The following DNM3 variants were observed in gnomAD, a reference collection of about 807,000 sequenced individuals.
DNM3 encodes dynamin-3.
A neutral mutation model predicts 101.6 loss-of-function variants in DNM3; 47 were observed. That is an observed-to-expected ratio of 0.46 (90% confidence interval 0.37 to 0.59). DNM3 has a LOEUF of 0.59. DNM3 is among the 20% of genes least tolerant of loss of function. The pLI is 0.00. For synonymous variants in DNM3, 385 were observed against 387.9 expected, an observed-to-expected ratio of 0.99 and a Z score of 0.09; for missense variants, 849 against 1,085.7, an observed-to-expected ratio of 0.78 and a Z score of 3.06.
intron 14 of DNM3, among the ~76,000 whole-genome samples, chr1:172,193,814 C>T (rs1390202911): frequency 2.6e-5 from 4 of 152,100 alleles, no homozygotes; most frequent in Non-Finnish European, 5.9e-5. Context: ...AAAACCAGCT[C>T]CTGGATTCAT....
Position 172,388,725 on chromosome 1 carries a change from C to T in DNM3, c.2438C>T (p.Pro813Leu), listed in dbSNP as rs1254752214. The change falls in exon 20 of 21, where the codon CCT becomes CTT. Residue 813 changes from proline (P) to leucine (L), a missense_variant. By Grantham distance (98) the Pro-to-Leu change is moderately conservative. Around this residue, in one of 5 missense-constraint regions of DNM3, gnomAD observed 256 missense variants for 311.7 expected, o/e 0.82. Coordinates refer to ENST00000627582, the MANE Select transcript of DNM3 (RefSeq NM_015569.5). Reference protein sequence around the residue: ...PPVPFRPGPLPPFPSSSDSFG... With the variant: ...PPVPFRPGPLLPFPSSSDSFG... ...GTCCCATTCCGTCCAGGCCCATTAC[C>T]TCCTTTCCCCAGCAGCAGTGACTCC... is the stretch of plus-strand genomic sequence containing the variant. 3 of 1,613,498 alleles carry T rather than the reference C, an allele frequency of 1.9e-6. No homozygotes were observed. Among genetic ancestry groups the T allele is most frequent in the Non-Finnish European group, 2.5e-6 (3 of 1,179,688 alleles).
At chr1:172,067,995 G>C (rs2051832673) in intron 10 of DNM3, among the ~76,000 whole-genome samples, 1 of 152,200 alleles carries the variant, frequency 6.6e-6, no homozygotes, top group South Asian at 2.1e-4. Flanking sequence ...TCATGGGCAT[G>C]AGTTACTTAA....
intron 1 of DNM3, among the ~76,000 whole-genome samples, chr1:171,860,415 A>G (rs2034055338): frequency 6.6e-6 from 1 of 152,178 alleles, no homozygotes; most frequent in Admixed American, 6.6e-5. Context: ...ATGGAAAAGA[A>G]TACAAACTGC....
chr1:172,377,553 C>CATATATATATTTATATAT (rs2068667826), intron 17 of DNM3, among the ~76,000 whole-genome samples: 1 of 123,436 alleles, frequency 8.1e-6, no homozygotes, highest in Admixed American at 8.0e-5. Flanking sequence ...TGATATATAT[C>CATATATATATTTATATAT]ATATATATAT....
chr1:172,235,001 G>A (rs1335557107), intron 14 of DNM3, among the ~76,000 whole-genome samples: 1 of 148,610 alleles, frequency 6.7e-6, no homozygotes. Context: ...CTGACAAATG[G>A]GATCTAATTA....
chr1:171,958,954 A>G (rs1367302409), intron 2 of DNM3, among the ~76,000 whole-genome samples: 1 of 152,216 alleles, frequency 6.6e-6, no homozygotes, highest in Non-Finnish European at 1.5e-5. Flanking sequence ...AGCCATGTGC[A>G]TCAACAGTAA....
chr1:171,955,073 A>G (rs1408637068), intron 2 of DNM3, among the ~76,000 whole-genome samples: 1 of 152,196 alleles, frequency 6.6e-6, no homozygotes. Flanking sequence ...CAGTACTGCT[A>G]AGTGATAGCA....
chr1:172,234,334 T>C (rs1172635017), intron 14 of DNM3, among the ~76,000 whole-genome samples: 2 of 152,080 alleles, frequency 1.3e-5, no homozygotes, highest in Middle Eastern at 3.2e-3. Flanking sequence ...TTACAAAAGA[T>C]GTGAAGGACG....
At chr1:172,326,253 C>T (rs1328173657) in intron 17 of DNM3, among the ~76,000 whole-genome samples, 1 of 152,004 alleles carries the variant, frequency 6.6e-6, no homozygotes, top group Non-Finnish European at 1.5e-5. Context: ...GAAAAATTTT[C>T]CTTCCAGGCC....
intron 13 of DNM3, among the ~76,000 whole-genome samples, chr1:172,098,793 CT>C (rs1410254656): frequency 6.6e-6 from 1 of 152,162 alleles, no homozygotes; most frequent in African/African-American, 2.4e-5. Flanking sequence ...TTCGGGGTCC[CT>C]GACTTTCCGC....
At chr1:172,112,490 T>C (rs978683231) in intron 13 of DNM3, among the ~76,000 whole-genome samples, 7 of 152,218 alleles carry the variant, frequency 4.6e-5, no homozygotes, top group African/African-American at 1.7e-4. Flanking sequence ...TTGGTACTCT[T>C]TTGACTCTTA....
intron 17 of DNM3, among the ~76,000 whole-genome samples, chr1:172,377,812 A>G (rs2068690550): frequency 6.6e-6 from 1 of 151,860 alleles, no homozygotes; most frequent in Non-Finnish European, 1.5e-5. Flanking sequence ...TTTTAGAACA[A>G]TAGACATTTC....
chr1:172,222,508 T>C (rs1215599847), intron 14 of DNM3, among the ~76,000 whole-genome samples: 1 of 152,182 alleles, frequency 6.6e-6, no homozygotes, highest in East Asian at 1.9e-4. Context: ...CATCTGGATT[T>C]TCCGAGGCTG....
At chr1:171,975,701 T>C (rs2044318841) in intron 2 of DNM3, among the ~76,000 whole-genome samples, 1 of 152,228 alleles carries the variant, frequency 6.6e-6, no homozygotes, top group South Asian at 2.1e-4. Context: ...AAAAGATAGA[T>C]TGTTTTGTAG....
intron 4 of DNM3, among the ~76,000 whole-genome samples, chr1:172,029,978 T>C (rs1169859628): frequency 2.0e-5 from 3 of 152,198 alleles, no homozygotes; most frequent in South Asian, 2.1e-4. Context: ...ATGGCCATAG[T>C]GTCCAAAGTA....
intron 17 of DNM3, among the ~76,000 whole-genome samples, chr1:172,326,513 A>G (rs1034384666): frequency 2.6e-5 from 4 of 151,982 alleles, no homozygotes; most frequent in African/African-American, 7.2e-5. Context: ...GTAAATCAGA[A>G]TGTTATTTTC....
rs866588302 is a variant in DNM3, at chr1:172,159,808, G to A, written c.1659+28520G>A. 5.9e-5 allele frequency among the ~76,000 whole-genome samples: 9 copies of A among 152,090 alleles called. 1 individual carries two copies. The South Asian group carries it at 1.9e-3, about 32-fold the overall frequency. On this transcript the variant is annotated intron_variant, in intron 14 of 20. Coordinates refer to ENST00000627582, the MANE Select transcript of DNM3 (RefSeq NM_015569.5). The stretch of plus-strand genomic sequence containing the variant: ...TTACAGTCATGCATCACTTAACAAT[G>A]GGAATACATTTAGAGAAATGCATCC...
intron 14 of DNM3, among the ~76,000 whole-genome samples, chr1:172,192,675 T>A (rs1157540799): frequency 6.6e-6 from 1 of 151,946 alleles, no homozygotes; most frequent in Non-Finnish European, 1.5e-5. Flanking sequence ...TGATTTCCAA[T>A]TTCATCCATG....
intron 4 of DNM3, among the ~76,000 whole-genome samples, chr1:172,000,203 A>C (rs1392799480): frequency 6.6e-6 from 1 of 152,058 alleles, no homozygotes; most frequent in Non-Finnish European, 1.5e-5. Context: ...GTGATGAAGA[A>C]GCGGTAGAGA....
Sources: allele counts gnomAD v4.1 joint callset (sites outside exome capture counted in the v4.1 genomes callset), GRCh38; gene constraint gnomAD v4.1.1; regional missense constraint gnomAD v4.1.1; transcripts MANE v1.5; gene names NCBI Gene and HGNC (gene_info 2026-07-23, HGNC 2026-07-21).